Variants in CMSS1 observed in about 807,000 individuals in gnomAD.
CMSS1 encodes protein CMSS1.
In CMSS1, 33 loss-of-function variants were observed where a neutral mutation model predicts 43.5. The ratio of observed to expected loss-of-function variants is 0.76; its 90% confidence interval spans 0.57 to 1.01. The LOEUF (loss-of-function observed/expected upper bound fraction) is 1.01, where lower values mean the gene tolerates loss of function less well. Among genes scored for constraint, CMSS1 ranks in the 50% least tolerant of loss-of-function variants. CMSS1 has a pLI of 0.00. For synonymous variants in CMSS1, 115 were observed against 117.2 expected (o/e 0.98, Z 0.12); for missense variants, 313 against 326.4 (o/e 0.96, Z 0.32).
chr3:99,990,601 T>C (rs1709483421), intron 1 of CMSS1, among the ~76,000 whole-genome samples: 1 of 152,192 alleles, frequency 6.6e-6, no homozygotes, highest in East Asian at 1.9e-4. Context: ...ATACCAATTC[T>C]TGTGCTTCAC....
At chr3:99,834,673 C>T (rs1480474290) in intron 1 of CMSS1, among the ~76,000 whole-genome samples, 1 of 152,168 alleles carries the variant, frequency 6.6e-6, no homozygotes, top group African/African-American at 2.4e-5. Context: ...TTTCCTCCCT[C>T]CCCTCTCCTG....
At chr3:99,868,028 T>C (rs1944606084) in intron 1 of CMSS1, among the ~76,000 whole-genome samples, 1 of 152,234 alleles carries the variant, frequency 6.6e-6, no homozygotes, top group Non-Finnish European at 1.5e-5. Context: ...GGATCTGATA[T>C]AAGCCATTTA....
chr3:100,076,167 G>A (rs2065847592), intron 1 of CMSS1, among the ~76,000 whole-genome samples: 1 of 152,142 alleles, frequency 6.6e-6, no homozygotes, highest in African/African-American at 2.4e-5. Context: ...CCTTAAAAAT[G>A]TAAACAATAA....
chr3:99,903,600 A>C (rs1214778464), intron 1 of CMSS1, among the ~76,000 whole-genome samples: 1 of 152,148 alleles, frequency 6.6e-6, no homozygotes, highest in Non-Finnish European at 1.5e-5. Flanking sequence ...GGACCAAAAA[A>C]AAAGTAGGTT....
At chr3:100,097,209 C>T (rs984462372) in intron 1 of CMSS1, among the ~76,000 whole-genome samples, 1 of 152,186 alleles carries the variant, frequency 6.6e-6, no homozygotes, top group African/African-American at 2.4e-5. Context: ...ATTCCAGTTG[C>T]CCTGAGATGA....
intron 1 of CMSS1, among the ~76,000 whole-genome samples, chr3:99,904,477 A>G (rs974958425): frequency 1.3e-5 from 2 of 152,214 alleles, no homozygotes; most frequent in Non-Finnish European, 2.9e-5. Context: ...TATATTTACT[A>G]TGCTTCTTTA....
chr3:100,116,390 T>C (rs1364080201), intron 1 of CMSS1, among the ~76,000 whole-genome samples: 2 of 152,196 alleles, frequency 1.3e-5, no homozygotes, highest in South Asian at 2.1e-4. Flanking sequence ...ATTTTAATGC[T>C]CAAATGATCT....
intron 1 of CMSS1, among the ~76,000 whole-genome samples, chr3:99,979,135 G>T (rs941473972): frequency 6.6e-6 from 1 of 152,110 alleles, no homozygotes; most frequent in African/African-American, 2.4e-5. Flanking sequence ...TGTTTGAGGT[G>T]ATTACCCTGA....
chr3:100,067,675 GATA>G, intron 1 of CMSS1, among the ~76,000 whole-genome samples: 1 of 152,254 alleles, frequency 6.6e-6, no homozygotes, highest in Middle Eastern at 3.4e-3. Flanking sequence ...ATACTGGTTT[GATA>G]ATAAACTGAT....
At chr3:99,883,068 C>T (rs1012785641) in intron 1 of CMSS1, among the ~76,000 whole-genome samples, 3 of 152,176 alleles carry the variant, frequency 2.0e-5, no homozygotes, top group African/African-American at 7.2e-5. Flanking sequence ...ATCCAGTCTA[C>T]ATCATAAAAT....
At chr3:100,004,087 G>C (rs1486426015) in intron 1 of CMSS1, among the ~76,000 whole-genome samples, 1 of 152,102 alleles carries the variant, frequency 6.6e-6, no homozygotes, top group Non-Finnish European at 1.5e-5. Context: ...AATCCACCTT[G>C]ATTCGGCCTA....
intron 1 of CMSS1, among the ~76,000 whole-genome samples, chr3:100,071,541 G>A (rs945350116): frequency 3.0e-4 from 46 of 152,182 alleles, no homozygotes; most frequent in African/African-American, 1.1e-3. Flanking sequence ...GTACAGAATA[G>A]CCCAAGGGTG....
intron 1 of CMSS1, among the ~76,000 whole-genome samples, chr3:100,067,716 TACTGCAC>T (rs1224510233): frequency 6.6e-6 from 1 of 152,208 alleles, no homozygotes; most frequent in Non-Finnish European, 1.5e-5. Context: ...AAAAACTGTG[TACTGCAC>T]ACTGAGTAGG....
At chr3:99,950,485 T>C (rs1708143258) in intron 1 of CMSS1, among the ~76,000 whole-genome samples, 1 of 152,210 alleles carries the variant, frequency 6.6e-6, no homozygotes, top group Admixed American at 6.5e-5. Context: ...ATTTTTTCAC[T>C]TCTTTATATT....
chr3:100,149,885 T>G (rs2066889038), intron 2 of CMSS1, among the ~76,000 whole-genome samples: 2 of 152,184 alleles, frequency 1.3e-5, no homozygotes, highest in East Asian at 3.8e-4. Flanking sequence ...GTCCCCTCCC[T>G]GACACAGCTG....
rs551119969 is a variant in CMSS1 at position 100,123,775 on chromosome 3, C to T, written c.65-23198C>T. 2.0e-5 allele frequency among the ~76,000 whole-genome samples: 3 copies of T among 152,268 alleles called. No individual in the cohort carries two copies. The South Asian group carries it at 6.2e-4, about 32-fold the overall frequency. On this transcript the variant is annotated intron_variant, in intron 1 of 9. Coordinates refer to ENST00000421999, the MANE Select transcript of CMSS1 (RefSeq NM_032359.4). Reference sequence around the variant, plus strand: ...CAGAAGTGCTGTCTTTCAGGTGGTCCAGTAAGGTAGGTCCCGGCCCTAACG... The same window carrying T: ...CAGAAGTGCTGTCTTTCAGGTGGTCTAGTAAGGTAGGTCCCGGCCCTAACG...
At chr3:99,825,775 C>CTTTTT (rs897686337) in intron 1 of CMSS1, among the ~76,000 whole-genome samples, 27 of 121,582 alleles carry the variant, frequency 2.2e-4, no homozygotes, top group Non-Finnish European at 2.9e-4. Flanking sequence ...TTTTCTTTTT[C>CTTTTT]TTTTTTTTTT....
At chr3:100,077,566 G>T (rs1576027843) in intron 1 of CMSS1, among the ~76,000 whole-genome samples, 1 of 152,170 alleles carries the variant, frequency 6.6e-6, no homozygotes, top group African/African-American at 2.4e-5. Flanking sequence ...TTGCAAGATA[G>T]CCTTCATCCC....
intron 1 of CMSS1, among the ~76,000 whole-genome samples, chr3:99,867,423 G>C (rs1007627350): frequency 6.6e-6 from 1 of 152,098 alleles, no homozygotes; most frequent in Non-Finnish European, 1.5e-5. Flanking sequence ...CTGAAAAAAA[G>C]GTTTTTGAAA....
Sources: gnomAD v4.1 joint callset for allele counts (sites outside exome capture counted in the v4.1 genomes callset) on GRCh38, gnomAD v4.1.1 for gene constraint, MANE v1.5 for transcripts, NCBI Gene and HGNC (gene_info 2026-07-23, HGNC 2026-07-21) for gene names.